The following ARHGAP18 variants were observed in gnomAD, a reference collection of about 807,000 sequenced individuals.
ARHGAP18 encodes the protein rho GTPase-activating protein 18.
ARHGAP18 carries 67 observed loss-of-function variants against 86.2 expected under a neutral mutation model. That is an observed-to-expected ratio of 0.78 (90% CI 0.64 to 0.95). ARHGAP18 has a LOEUF of 0.95. Among genes scored for constraint, ARHGAP18 ranks in the 40% least tolerant of loss-of-function variants. ARHGAP18 has a pLI of 0.00. For synonymous variants in ARHGAP18, 283 were observed against 280.4 expected, an observed-to-expected ratio of 1.01 and a Z score of -0.09; for missense variants, 691 against 780.4, an observed-to-expected ratio of 0.89 and a Z score of 1.37.
At chr6:129,620,138 T>C (rs946745231) in intron 5 of ARHGAP18, among the ~76,000 whole-genome samples, 2 of 152,170 alleles carry the variant, frequency 1.3e-5, no homozygotes, top group Admixed American at 1.3e-4. Flanking sequence ...AATATTTGTA[T>C]ATACACAATG....
intron 2 of ARHGAP18, among the ~76,000 whole-genome samples, chr6:129,641,314 C>T (rs996288910): frequency 6.6e-6 from 1 of 152,142 alleles, no homozygotes; most frequent in Admixed American, 6.5e-5. Flanking sequence ...AATAGAAGAG[C>T]CTTCTTCTGT....
rs556981175 is a variant in ARHGAP18 at position 129,622,061 on chromosome 6, T to C, written c.787-3209A>G. 1.1e-4 allele frequency among the ~76,000 whole-genome samples: 16 copies of C among 152,320 alleles called. 1 individual carries two copies. The South Asian group carries it at 2.1e-3, about 20-fold the overall frequency. On this transcript the variant is annotated intron_variant, in intron 5 of 14. Transcript: ENST00000368149. ...AGGAGAGGAGCCACTTCTTAATCAC[T>C]TCCGTAACGCTGTTGTACCACAGAC...
At chr6:129,645,496 G>A (rs968054135) in intron 1 of ARHGAP18, among the ~76,000 whole-genome samples, 2 of 152,096 alleles carry the variant, frequency 1.3e-5, no homozygotes, top group South Asian at 2.1e-4. Flanking sequence ...TATACCACAG[G>A]CAACTACCAG....
Position 129,682,626 on chromosome 6 carries a change from C to A in ARHGAP18, c.113+27398G>T, listed in dbSNP as rs149873764. Among the ~76,000 whole-genome samples the A allele has an allele frequency of 1.7e-3, 261 of 152,316 alleles. 3 individuals are homozygous for A. The highest frequency in any genetic ancestry group is 6.0e-3 in the African/African-American group (249 of 41,564). On this transcript the variant is annotated intron_variant, in intron 1 of 14. Coordinates refer to ENST00000368149, the MANE Select transcript of ARHGAP18 (RefSeq NM_033515.3). ...AAACTAAAACCCTAGAGACACAAAGCAACATTCTTATGTCCCAAAGCATCA... is the reference window on the plus strand; with the variant it reads ...AAACTAAAACCCTAGAGACACAAAGAAACATTCTTATGTCCCAAAGCATCA...
chr6:129,633,955 A>T, intron 4 of ARHGAP18, 87 bp downstream of exon 4: 1 of 1,158,460 alleles, frequency 8.6e-7, no homozygotes, highest in Non-Finnish European at 1.2e-6. Context: ...GCTTACTAGA[A>T]TTGAAGGTAA....
intron 9 of ARHGAP18, among the ~76,000 whole-genome samples, chr6:129,607,634 A>G (rs775779159): frequency 2.6e-5 from 4 of 152,310 alleles, no homozygotes; most frequent in Middle Eastern, 3.4e-3. Flanking sequence ...TTTAACACTG[A>G]AATATATTGT....
At chr6:129,620,316 C>A (rs1299216871) in intron 5 of ARHGAP18, among the ~76,000 whole-genome samples, 1 of 152,146 alleles carries the variant, frequency 6.6e-6, no homozygotes, top group Non-Finnish European at 1.5e-5. Context: ...TGCCAGTGCT[C>A]AAAAAGGTTC....
In ARHGAP18 at chr6:129,634,368, C is replaced by T. The variant is rs60279262; in HGVS notation, c.553-263G>A. Among the ~76,000 whole-genome samples, 1,006 of 152,082 alleles carry T rather than the reference C, an allele frequency of 6.6e-3. 18 individuals carry two copies. Among genetic ancestry groups the T allele is most frequent in the African/African-American group, 0.023 (956 of 41,482 alleles). On this transcript the variant is annotated intron_variant, in intron 3 of 14. Coordinates refer to ENST00000368149, the MANE Select transcript of ARHGAP18 (RefSeq NM_033515.3). ...GAGTGGGTCCCTGTCATCAAGAATG[C>T]TACTATGGAGGGGAGGAGAAAGGAC...
intron 12 of ARHGAP18, among the ~76,000 whole-genome samples, chr6:129,594,372 A>G (rs1788574840): frequency 6.6e-6 from 1 of 152,046 alleles, no homozygotes; most frequent in Non-Finnish European, 1.5e-5. Flanking sequence ...ACATCCTTCA[A>G]CTTTCTCTTA....
At chr6:129,693,710 G>A (rs1273183370) in intron 1 of ARHGAP18, among the ~76,000 whole-genome samples, 3 of 152,126 alleles carry the variant, frequency 2.0e-5, no homozygotes, top group South Asian at 2.1e-4. Context: ...AATGACTGAG[G>A]TTCAAACCAA....
chr6:129,677,689 G>A (rs1277775890), intron 1 of ARHGAP18, among the ~76,000 whole-genome samples: 1 of 152,168 alleles, frequency 6.6e-6, no homozygotes, highest in Non-Finnish European at 1.5e-5. Flanking sequence ...AAATAACAAT[G>A]GCTACACTAT....
chr6:129,683,165 A>G lies in ARHGAP18; in HGVS notation c.113+26859T>C, dbSNP rs1428721828. On this transcript the variant is annotated intron_variant, in intron 1 of 14. Transcript: ENST00000368149. ...CGGCTCACTGCAAGCTCCACCTCCC[A>G]GGTTCACACCATTCTCCTGCCTCAG... 4.7e-5 allele frequency among the ~76,000 whole-genome samples: 7 copies of G among 149,136 alleles called. No homozygotes were observed. In the East Asian group the frequency reaches 6.0e-4, roughly 13 times the overall value.
intron 9 of ARHGAP18, among the ~76,000 whole-genome samples, chr6:129,607,653 A>T (rs889348927): frequency 6.6e-6 from 1 of 152,194 alleles, no homozygotes; most frequent in Non-Finnish European, 1.5e-5. Flanking sequence ...GTATTGCTTA[A>T]ATGTCGTGCA....
chr6:129,617,973 C>T (rs998082278), intron 6 of ARHGAP18, among the ~76,000 whole-genome samples: 24 of 152,088 alleles, frequency 1.6e-4, no homozygotes, highest in African/African-American at 5.3e-4. Flanking sequence ...AAGGTAAAGC[C>T]TTGTCAACAG....
Position 129,619,819 on chromosome 6 carries a change from T to C in ARHGAP18, c.787-967A>G, listed in dbSNP as rs182224773. Among the ~76,000 whole-genome samples, 132 of 151,914 alleles carry C rather than the reference T, an allele frequency of 8.7e-4. 1 individual carries two copies. The highest frequency in any genetic ancestry group is 3.4e-3 in the Middle Eastern group (1 of 294). On this transcript the variant is annotated intron_variant, in intron 5 of 14. Transcript: ENST00000368149. ...ATTGGTCCAGAAAGGCTACAGCCCATTGGGGTAAGAGGGACACAGGGGAAA... is the reference window on the plus strand; with the variant it reads ...ATTGGTCCAGAAAGGCTACAGCCCACTGGGGTAAGAGGGACACAGGGGAAA...
chr6:129,655,100 C>T (rs1294323838), intron 1 of ARHGAP18, among the ~76,000 whole-genome samples: 2 of 152,074 alleles, frequency 1.3e-5, no homozygotes, highest in East Asian at 3.9e-4. Flanking sequence ...GCGGGCAGAT[C>T]ACCTGAGCTC....
intron 1 of ARHGAP18, among the ~76,000 whole-genome samples, chr6:129,675,708 C>T (rs935616794): frequency 6.6e-6 from 1 of 152,160 alleles, no homozygotes; most frequent in African/African-American, 2.4e-5. Flanking sequence ...GAGAGAGTAT[C>T]TCAGAGGGAA....
chr6:129,695,135 A>C lies in ARHGAP18; in HGVS notation c.113+14889T>G, dbSNP rs147671682. ...ATGGTAATAACTATTCTGAAAAAAA[A>C]AATAATGGCTTCTAGGTCAAAAAAA... On this transcript the variant is annotated intron_variant, in intron 1 of 14. Transcript: ENST00000368149. Among the ~76,000 whole-genome samples, 407 of 152,322 alleles carry C rather than the reference A, an allele frequency of 2.7e-3. 2 individuals are homozygous for C. Among genetic ancestry groups the C allele is most frequent in the African/African-American group, 9.4e-3 (392 of 41,558 alleles).
At chr6:129,649,054 C>T (rs1392395430) in intron 1 of ARHGAP18, among the ~76,000 whole-genome samples, 1 of 152,134 alleles carries the variant, frequency 6.6e-6, no homozygotes, top group Non-Finnish European at 1.5e-5. Flanking sequence ...GAAAGCAATA[C>T]CACATCACTC....
Sources: allele counts gnomAD v4.1 joint callset (sites outside exome capture counted in the v4.1 genomes callset), GRCh38; gene constraint gnomAD v4.1.1; transcripts MANE v1.5; gene names NCBI Gene and HGNC (gene_info 2026-07-23, HGNC 2026-07-21).